The following SNTG2 variants were observed in gnomAD, a reference collection of about 807,000 sequenced individuals.
The protein encoded by SNTG2 is gamma-2-syntrophin.
A neutral mutation model predicts 70.9 loss-of-function variants in SNTG2; 74 were observed. That is an observed-to-expected ratio of 1.04 (90% CI 0.86 to 1.27). The LOEUF is 1.27. Ranked by LOEUF, SNTG2 falls within the 50% of genes most tolerant of loss-of-function variation. The pLI is 0.00. For missense variants in SNTG2, 717 were observed against 690.7 expected, an observed-to-expected ratio of 1.04 and a Z score of -0.43; for synonymous variants, 278 against 273.8, an observed-to-expected ratio of 1.02 and a Z score of -0.15.
At chr2:1,280,115 A>C (rs1210771051) in intron 14 of SNTG2, among the ~76,000 whole-genome samples, 2 of 152,354 alleles carry the variant, frequency 1.3e-5, no homozygotes, top group South Asian at 2.1e-4. Flanking sequence ...TATTTAAAAA[A>C]CCACTATTGT....
At chr2:1,304,217 C>T (rs1016097408) in intron 14 of SNTG2, among the ~76,000 whole-genome samples, 3 of 152,314 alleles carry the variant, frequency 2.0e-5, no homozygotes, top group Non-Finnish European at 2.9e-5. Flanking sequence ...GTGACCTACG[C>T]GTGGCAGATG....
intron 9 of SNTG2, among the ~76,000 whole-genome samples, chr2:1,224,569 C>G (rs1675635773): frequency 6.6e-6 from 1 of 152,206 alleles, no homozygotes; most frequent in Non-Finnish European, 1.5e-5. Context: ...GTCCCAAGGC[C>G]TCTCTGATGC....
chr2:1,267,815 G>A (rs1678829385), intron 14 of SNTG2, among the ~76,000 whole-genome samples: 1 of 152,206 alleles, frequency 6.6e-6, no homozygotes. Flanking sequence ...TTGAATGTGA[G>A]GAACGGGCTG....
At chr2:1,157,236 G>A (rs966925744) in intron 6 of SNTG2, among the ~76,000 whole-genome samples, 16 of 152,180 alleles carry the variant, frequency 1.1e-4, no homozygotes, top group African/African-American at 3.6e-4. Context: ...TGTGTCACTA[G>A]AGACTTGGTA....
chr2:1,314,182 A>G (rs1036660680), intron 15 of SNTG2, among the ~76,000 whole-genome samples: 2 of 152,132 alleles, frequency 1.3e-5, no homozygotes, highest in African/African-American at 4.8e-5. Context: ...TCAAAATCAA[A>G]TTTGAACCAA....
chr2:979,192 G>C (rs536460391), intron 1 of SNTG2, among the ~76,000 whole-genome samples: 1 of 152,122 alleles, frequency 6.6e-6, no homozygotes, highest in African/African-American at 2.4e-5. Flanking sequence ...GGGTTGGGGG[G>C]GTATTGACCT....
At chr2:1,055,992 C>T (rs971236407) in intron 1 of SNTG2, among the ~76,000 whole-genome samples, 2 of 152,056 alleles carry the variant, frequency 1.3e-5, no homozygotes, top group East Asian at 2.0e-4. Flanking sequence ...CGGTGGGTCG[C>T]GGGGACTGCA....
chr2:983,257 G>T (rs1285591737), intron 1 of SNTG2, among the ~76,000 whole-genome samples: 2 of 150,406 alleles, frequency 1.3e-5, no homozygotes, highest in Admixed American at 1.3e-4. Flanking sequence ...AGTTGCAGAG[G>T]TGGAGGTTGG....
chr2:1,031,520 ATATATATATTTTTTTT>A lies in SNTG2; in HGVS notation c.73-51996_73-51981del, dbSNP rs1660817382. On this transcript the variant is annotated intron_variant, in intron 1 of 16. Coordinates refer to ENST00000308624, the MANE Select transcript of SNTG2 (RefSeq NM_018968.4). ...ATATAGTTCATTGTTATATATATAT[ATATATATATTTTTTTT>A]TTTTTTTTTTTTGAGGCGAAATCTC... is the stretch of plus-strand genomic sequence containing the variant. Among the ~76,000 whole-genome samples, 2 of 49,676 alleles carry A rather than the reference ATATATATATTTTTTTT, an allele frequency of 4.0e-5. 1 individual carries two copies. Among genetic ancestry groups the A allele is most frequent in the South Asian group, 1.4e-3 (2 of 1,426 alleles). 32.6% of individuals were successfully genotyped at this position (49,676 alleles called of 152,430 possible). A position where few individuals can be genotyped will look rare whatever the true frequency, so the allele number is the denominator to read the frequency against.
At chr2:1,309,071 A>G (rs1680850887) in intron 15 of SNTG2, among the ~76,000 whole-genome samples, 2 of 152,354 alleles carry the variant, frequency 1.3e-5, no homozygotes, top group Middle Eastern at 3.4e-3. Context: ...ATGCTTTGTG[A>G]GGACAATCCA....
At chr2:1,022,091 C>T (rs1437941228) in intron 1 of SNTG2, among the ~76,000 whole-genome samples, 1 of 152,000 alleles carries the variant, frequency 6.6e-6, no homozygotes, top group Non-Finnish European at 1.5e-5. Flanking sequence ...TATGGAGGTT[C>T]CTCATAAAGT....
rs377434296 is a variant in SNTG2, at chr2:1,098,199, A to C, written c.214A>C (p.Arg72=). ...VGGSHQGRNR[R]TVTLRRQPVG... is the part of the protein sequence containing the mutation. ...TGTTTTCTAAAATGTTTTAAAGCGCAGAACTGTTACACTCCGCAGACAGCC... is the reference window on the plus strand; with the variant it reads ...TGTTTTCTAAAATGTTTTAAAGCGCCGAACTGTTACACTCCGCAGACAGCC... The change falls in exon 3 of 17, where the codon AGA becomes CGA. Residue 72 remains arginine, a synonymous_variant. Coordinates refer to ENST00000308624, the MANE Select transcript of SNTG2 (RefSeq NM_018968.4). 8.6e-5 allele frequency: 139 copies of C among 1,613,914 alleles called. No individual in the cohort carries two copies. Among genetic ancestry groups the C allele is most frequent in the Non-Finnish European group, 1.1e-4 (130 of 1,179,890 alleles).
chr2:1,262,931 A>G (rs557939462), intron 13 of SNTG2: 3 of 152,380 alleles, frequency 2.0e-5, no homozygotes, highest in East Asian at 3.8e-4. Context: ...AGTCGTATCA[A>G]CACACTGCGA....
At chr2:961,874 C>T (rs1660362067) in intron 1 of SNTG2, among the ~76,000 whole-genome samples, 1 of 152,100 alleles carries the variant, frequency 6.6e-6, no homozygotes, top group Non-Finnish European at 1.5e-5. Flanking sequence ...TTTAGCCAGG[C>T]TGGGTTTATA....
chr2:1,031,623 A>T (rs1660844952), intron 1 of SNTG2, among the ~76,000 whole-genome samples: 1 of 146,118 alleles, frequency 6.8e-6, no homozygotes, highest in Non-Finnish European at 1.5e-5. Flanking sequence ...CTCCGCCTCC[A>T]GGGTTCAAGC....
chr2:1,166,284 G>C (rs1670700129), intron 7 of SNTG2, among the ~76,000 whole-genome samples: 1 of 152,160 alleles, frequency 6.6e-6, no homozygotes, highest in South Asian at 2.1e-4. Context: ...CAAGGCCCAG[G>C]CTCCCCTGAA....
At chr2:1,140,251 C>A (rs1280409373) in intron 6 of SNTG2, among the ~76,000 whole-genome samples, 1 of 152,216 alleles carries the variant, frequency 6.6e-6, no homozygotes, top group Non-Finnish European at 1.5e-5. Flanking sequence ...GTTAAAACAT[C>A]TTAATACACA....
intron 6 of SNTG2, among the ~76,000 whole-genome samples, chr2:1,159,095 C>T (rs1391230655): frequency 1.6e-5 from 1 of 62,498 alleles, no homozygotes; most frequent in Non-Finnish European, 4.8e-5. Context: ...TGTGTATGTG[C>T]ATGCGTGTAC....
At chr2:1,170,762 A>G (rs28374864) in intron 7 of SNTG2, among the ~76,000 whole-genome samples, 48,421 of 151,770 alleles carry the variant, frequency 0.32, 8,290 homozygotes, top group East Asian at 0.66. Flanking sequence ...GCTGATGGGC[A>G]TTTGTCTTGC....
Sources: gnomAD v4.1 joint callset for allele counts (sites outside exome capture counted in the v4.1 genomes callset) on GRCh38, gnomAD v4.1.1 for gene constraint, MANE v1.5 for transcripts, NCBI Gene and HGNC (gene_info 2026-07-23, HGNC 2026-07-21) for gene names.